Variants in FAM107B observed in about 807,000 individuals in gnomAD.
FAM107B encodes family with sequence similarity 107 member B.
A neutral mutation model predicts 31.5 loss-of-function variants in FAM107B; 21 were observed. That is an observed-to-expected ratio of 0.67 (90% confidence interval 0.47 to 0.96). The LOEUF (loss-of-function observed/expected upper bound fraction) is 0.96. Among genes scored for constraint, FAM107B ranks in the 40% least tolerant of loss-of-function variants. The pLI, the probability that FAM107B is intolerant of heterozygous loss-of-function variation, is 0.00. For synonymous variants in FAM107B, 157 were observed against 141.5 expected, an observed-to-expected ratio of 1.11 and a Z score of -0.78; for missense variants, 452 against 377.1, an observed-to-expected ratio of 1.20 and a Z score of -1.64.
chr10:14,531,815 C>G (rs975957721), intron 2 of FAM107B, among the ~76,000 whole-genome samples: 3 of 152,150 alleles, frequency 2.0e-5, no homozygotes, highest in Non-Finnish European at 2.9e-5. Context: ...GCCTGGGAAA[C>G]AGAGAGAGAC....
In FAM107B at chr10:14,550,998, A is replaced by T. The variant is rs112917047; in HGVS notation, c.470-20483T>A. 2.1e-3 allele frequency among the ~76,000 whole-genome samples: 313 copies of T among 152,356 alleles called. 2 individuals carry two copies. The highest frequency in any genetic ancestry group is 7.0e-3 in the African/African-American group (292 of 41,592). The stretch of plus-strand genomic sequence containing the variant: ...GCTAACTACTTCCTTTATGCCTTAA[A>T]AAAATTAATCTGAACAGCTTAATTA... On this transcript the variant is annotated intron_variant, in intron 2 of 4. Coordinates refer to ENST00000181796, the MANE Select transcript of FAM107B (RefSeq NM_031453.4).
chr10:14,675,961 C>A (rs1037541916), intron 1 of FAM107B, among the ~76,000 whole-genome samples: 2 of 152,234 alleles, frequency 1.3e-5, no homozygotes, highest in Middle Eastern at 3.4e-3. Flanking sequence ...AGTTCAAGAC[C>A]AGCCTAGGCA....
chr10:14,539,999 G>T (rs988780586), intron 2 of FAM107B, among the ~76,000 whole-genome samples: 3 of 152,232 alleles, frequency 2.0e-5, no homozygotes, highest in African/African-American at 4.8e-5. Context: ...AGGGCGACCA[G>T]ACGTCTGCCA....
At chr10:14,655,131 G>T (rs887010083) in intron 2 of FAM107B, among the ~76,000 whole-genome samples, 1 of 152,188 alleles carries the variant, frequency 6.6e-6, no homozygotes, top group African/African-American at 2.4e-5. Context: ...CGAGGTGCCA[G>T]ATTCTTTAAC....
rs1401997895 is a variant in FAM107B, at chr10:14,629,468, TTTA to T, written c.469+38163_469+38165del. ...ATATTATATATATATTATATATATA[TTTA>T]ATATATATATAACATATATAATATA... On this transcript the variant is annotated intron_variant, in intron 2 of 4. Coordinates refer to ENST00000181796, the MANE Select transcript of FAM107B (RefSeq NM_031453.4). Among the ~76,000 whole-genome samples, 211 of 87,500 alleles carry T rather than the reference TTTA, an allele frequency of 2.4e-3. 10 individuals are homozygous for T. Among genetic ancestry groups the T allele is most frequent in the African/African-American group, 3.3e-3 (62 of 19,004 alleles). The allele number at this position is 87,500 out of a possible 152,430, so 57.4% of individuals were successfully genotyped here.
intron 2 of FAM107B, among the ~76,000 whole-genome samples, chr10:14,593,900 G>A (rs554990661): frequency 5.3e-5 from 8 of 152,226 alleles, no homozygotes; most frequent in African/African-American, 1.7e-4. Context: ...TTTAGATATA[G>A]AACTGTTCGA....
At chr10:14,683,826 AT>A (rs1854908915) in intron 1 of FAM107B, among the ~76,000 whole-genome samples, 1 of 152,126 alleles carries the variant, frequency 6.6e-6, no homozygotes, top group Non-Finnish European at 1.5e-5. Context: ...CCCAAAAATT[AT>A]TTTTCATGTA....
chr10:14,724,653 AG>A (rs1855987516), intron 1 of FAM107B, among the ~76,000 whole-genome samples: 1 of 152,110 alleles, frequency 6.6e-6, no homozygotes, highest in Non-Finnish European at 1.5e-5. Context: ...AGCGTTCCCT[AG>A]GATGAGAAGC....
chr10:14,606,892 TTGTTTAAGCCAC>T (rs1197200061), intron 2 of FAM107B, among the ~76,000 whole-genome samples: 1 of 152,220 alleles, frequency 6.6e-6, no homozygotes, highest in East Asian at 1.9e-4. Flanking sequence ...ATGAAATGTC[TTGTTTAAGCCAC>T]TCAGTCTAGG....
intron 1 of FAM107B, among the ~76,000 whole-genome samples, chr10:14,707,206 T>A (rs941606057): frequency 2.0e-5 from 3 of 151,498 alleles, no homozygotes; most frequent in Non-Finnish European, 4.4e-5. Flanking sequence ...AAATTTCACG[T>A]TATGTGTATT....
chr10:14,606,799 C>T lies in FAM107B; in HGVS notation c.469+60835G>A, dbSNP rs1298833310. On this transcript the variant is annotated intron_variant, in intron 2 of 4. Coordinates refer to ENST00000181796, the MANE Select transcript of FAM107B (RefSeq NM_031453.4). ...GACACAATGAAAAGGCCGCCAACTG[C>T]AAGCCAGAAAGAGAGGCCTCACCAG... 7.4e-5 allele frequency among the ~76,000 whole-genome samples: 11 copies of T among 149,406 alleles called. No individual in the cohort carries two copies. In the East Asian group the frequency reaches 2.2e-3, roughly 30 times the overall value.
At chr10:14,675,198 G>C (rs12261590) in intron 1 of FAM107B, among the ~76,000 whole-genome samples, 5,178 of 152,204 alleles carry the variant, frequency 0.034, 286 homozygotes, top group African/African-American at 0.12. Context: ...CCCTTCATGT[G>C]AGGCTCAGAC....
chr10:14,618,594 TG>T (rs1174313185), intron 2 of FAM107B, among the ~76,000 whole-genome samples: 1 of 151,744 alleles, frequency 6.6e-6, no homozygotes, highest in Non-Finnish European at 1.5e-5. Context: ...CCCAGCACTT[TG>T]GGAGGCCAAG....
At chr10:14,753,195 C>T (rs1217523229) in intron 1 of FAM107B, among the ~76,000 whole-genome samples, 1 of 152,168 alleles carries the variant, frequency 6.6e-6, no homozygotes, top group East Asian at 1.9e-4. Flanking sequence ...ACAGGCAGAG[C>T]ACACACGCAT....
chr10:14,736,100 C>T (rs543235141), intron 1 of FAM107B, among the ~76,000 whole-genome samples: 2 of 152,226 alleles, frequency 1.3e-5, no homozygotes, highest in East Asian at 3.9e-4. Context: ...TAAAAGATGG[C>T]AGTCCCCCTG....
chr10:14,561,040 G>GCTAC (rs1346007964), intron 2 of FAM107B, among the ~76,000 whole-genome samples: 2 of 152,304 alleles, frequency 1.3e-5, no homozygotes, highest in East Asian at 3.9e-4. Flanking sequence ...AAGCTACAAC[G>GCTAC]AAACCAGCCA....
intron 2 of FAM107B, among the ~76,000 whole-genome samples, chr10:14,568,641 G>T (rs1850912268): frequency 6.6e-6 from 1 of 152,262 alleles, no homozygotes; most frequent in Non-Finnish European, 1.5e-5. Context: ...TGATCTCTGG[G>T]TTAGACCAGG....
At chr10:14,759,012 C>A (rs556310821) in intron 1 of FAM107B, among the ~76,000 whole-genome samples, 2 of 151,444 alleles carry the variant, frequency 1.3e-5, no homozygotes, top group East Asian at 3.9e-4. Flanking sequence ...AACCCCATCT[C>A]TACTAAAAAT....
chr10:14,554,786 T>C (rs1313976885), intron 2 of FAM107B, among the ~76,000 whole-genome samples: 1 of 152,192 alleles, frequency 6.6e-6, no homozygotes, highest in Non-Finnish European at 1.5e-5. Flanking sequence ...TCCCCTCCAA[T>C]CCTCTACCAA....
Sources: allele counts gnomAD v4.1 joint callset (sites outside exome capture counted in the v4.1 genomes callset), GRCh38; gene constraint gnomAD v4.1.1; transcripts MANE v1.5; gene names NCBI Gene and HGNC (gene_info 2026-07-23, HGNC 2026-07-21).